Variants in EXOSC5 observed in about 807,000 individuals in gnomAD.
EXOSC5 encodes the protein exosome component 5, also known as exosome complex component RRP46.
Under a neutral mutation model 23.7 loss-of-function variants are expected in EXOSC5, and 15 were observed. The ratio of observed to expected loss-of-function variants is 0.63; its 90% CI spans 0.42 to 0.97. The LOEUF (loss-of-function observed/expected upper bound fraction) is 0.97. Among genes scored for constraint, EXOSC5 ranks in the 50% least tolerant of loss-of-function variants. EXOSC5 has a pLI of 0.00. For missense variants in EXOSC5, 305 were observed against 316.3 expected (o/e 0.96, Z 0.27); for synonymous variants, 143 against 140.9 (o/e 1.02, Z -0.11).
At chr19:41,391,665 A>G (rs1238719498) in intron 3 of EXOSC5, 176 bp downstream of exon 3, 26 of 764,114 alleles carry the variant, frequency 3.4e-5, no homozygotes, top group Non-Finnish European at 4.3e-5. Flanking sequence ...CATAAGGCAC[A>G]CAGAACAGTG....
Position 41,389,772 on chromosome 19 carries a change from T to G in EXOSC5, c.518A>C (p.Gln173Pro), listed in dbSNP as rs1295719950. The G allele has an allele frequency of 6.2e-7, 1 of 1,613,078 alleles. No homozygotes were observed. Among genetic ancestry groups the G allele is most frequent in the South Asian group, 1.1e-5 (1 of 90,940 alleles). The change falls in exon 4 of 6, where the codon CAA (glutamine) becomes CCA (proline). Residue 173 changes from glutamine to proline, a missense_variant. Gln to Pro is a moderately conservative substitution (Grantham distance 76). Coordinates refer to ENST00000221233, the MANE Select transcript of EXOSC5 (RefSeq NM_020158.4). ...GTLVLDPTSK[Q>P]EKEARAVLTF... ...CCTGGTCTTCACACCTACCTTTTCT[T>G]GCTTGGATGTAGGATCCAGCACGAG...
rs780183565 is a variant in EXOSC5, at chr19:41,389,799, G to A, written c.491C>T (p.Thr164Ile). ...GVACALDSDG[T>I]LVLDPTSKQE... ...CTTGGATGTAGGATCCAGCACGAGG[G>A]TCCCATCAGAGTCCAGGGCGCAGGC... The change falls in exon 4 of 6, where the codon ACC becomes ATC. Residue 164 changes from threonine to isoleucine, a missense_variant. Transcript: ENST00000221233. The A allele has an allele frequency of 1.2e-6, 2 of 1,614,122 alleles. No individual in the cohort carries two copies. Among genetic ancestry groups the A allele is most frequent in the Non-Finnish European group, 1.7e-6 (2 of 1,180,002 alleles).
chr19:41,392,863 T>C lies in EXOSC5; in HGVS notation c.262+4A>G, dbSNP rs770043694. 32 of 1,613,350 alleles carry C rather than the reference T, an allele frequency of 2.0e-5. No individual in the cohort carries two copies. The Admixed American group carries it at 5.3e-4, about 27-fold the overall frequency. On this transcript the variant is annotated splice_donor_region_variant and intron_variant, in intron 2 of 5. Transcript: ENST00000221233. ...CACTCAGAGGTTCAGCAGGGCCCAATTACCAGGCAGCCCAATCTTCGGCCT... is the reference window on the plus strand; with the variant it reads ...CACTCAGAGGTTCAGCAGGGCCCAACTACCAGGCAGCCCAATCTTCGGCCT...
rs1021670063 is a variant in EXOSC5 at position 41,387,774 on chromosome 19, G to C, written c.526-171C>G. On this transcript the variant is annotated intron_variant, in intron 4 of 5. Coordinates refer to ENST00000221233, the MANE Select transcript of EXOSC5 (RefSeq NM_020158.4). ...AAACTCAAGACCAATCTGGGCAACAGAGGGAGACCCCATCTCAGAAAAAAA... is the reference window on the plus strand; with the variant it reads ...AAACTCAAGACCAATCTGGGCAACACAGGGAGACCCCATCTCAGAAAAAAA... 8.3e-5 allele frequency among the ~76,000 whole-genome samples: 12 copies of C among 143,996 alleles called. No individual in the cohort carries two copies. The East Asian group carries it at 2.4e-3, about 29-fold the overall frequency. 94.5% of individuals were successfully genotyped at this position (143,996 alleles called of 152,430 possible). A position where few individuals can be genotyped will look rare whatever the true frequency, so the allele number is the denominator to read the frequency against.
chr19:41,389,899 C>A lies in EXOSC5; in HGVS notation c.391G>T (p.Ala131Ser), dbSNP rs1328250566. The A allele has an allele frequency of 6.3e-7, 1 of 1,599,834 alleles. No individual in the cohort carries two copies. Among genetic ancestry groups the A allele is most frequent in the East Asian group, 2.2e-5 (1 of 44,708 alleles). Residue 131 changes from alanine to serine, a missense_variant, in exon 4 of 6, where the codon GCC becomes TCC. Transcript: ENST00000221233. ...QVVSDAGSLL[A>S]CCLNAACMAL... ...ATGCAGGCGGCATTCAGACAACAGG[C>A]CAGGAGCTGAGCACCACAGGAAATG...
intron 1 of EXOSC5, among the ~76,000 whole-genome samples, chr19:41,393,258 G>A (rs553055964): frequency 1.7e-4 from 26 of 152,308 alleles, no homozygotes; most frequent in African/African-American, 6.3e-4. Flanking sequence ...AGCTGTATTA[G>A]TAACATTCGT....
chr19:41,386,924 GAGA>G (rs1412304674), intron 5 of EXOSC5, among the ~76,000 whole-genome samples, 199 bp from the exon 6 acceptor site: 3 of 152,164 alleles, frequency 2.0e-5, no homozygotes, highest in Admixed American at 6.5e-5. Context: ...TAAAAAGAGG[GAGA>G]AGGACTTCAG....
intron 3 of EXOSC5, among the ~76,000 whole-genome samples, chr19:41,390,541 GA>G (rs2039016366): frequency 6.6e-6 from 1 of 152,214 alleles, no homozygotes; most frequent in Non-Finnish European, 1.5e-5. Flanking sequence ...TCAGAGAGGG[GA>G]AGAAACCTTC....
At chr19:41,386,875 T>C in intron 5 of EXOSC5, 150 bp from the exon 6 acceptor site, 2 of 624,178 alleles carry the variant, frequency 3.2e-6, no homozygotes, top group Non-Finnish European at 5.6e-6. Context: ...AAGGGATTAT[T>C]TCCCATTTCA....
intron 1 of EXOSC5, among the ~76,000 whole-genome samples, chr19:41,395,921 T>G (rs948663138): frequency 2.0e-5 from 3 of 152,170 alleles, no homozygotes; most frequent in Non-Finnish European, 2.9e-5. Context: ...ACCTTAGTTA[T>G]GCCTGAATCT....
intron 2 of EXOSC5, 92 bp downstream of exon 2, chr19:41,392,775 G>A (rs1599941398): frequency 9.5e-7 from 1 of 1,049,852 alleles, no homozygotes; most frequent in Admixed American, 1.9e-5. Flanking sequence ...CCCAAGCGGG[G>A]AGTGGAGACT....
intron 3 of EXOSC5, among the ~76,000 whole-genome samples, chr19:41,390,869 C>G (rs1459790601): frequency 6.6e-6 from 1 of 152,228 alleles, no homozygotes; most frequent in Non-Finnish European, 1.5e-5. Context: ...AATACCTTCT[C>G]TCTCTGCCCA....
intron 1 of EXOSC5, among the ~76,000 whole-genome samples, chr19:41,395,648 C>G (rs1366225403): frequency 6.6e-6 from 1 of 152,170 alleles, no homozygotes; most frequent in Non-Finnish European, 1.5e-5. Flanking sequence ...TTTCTTGGCC[C>G]CAGGTCACCA....
In EXOSC5 at chr19:41,386,401, C is replaced by T; in HGVS notation, c.*232G>A. 2 of 497,144 alleles carry T rather than the reference C, an allele frequency of 4.0e-6. No homozygotes were observed. The highest frequency in any genetic ancestry group is 6.3e-5 in the South Asian group (2 of 31,760). 30.8% of individuals were successfully genotyped at this position (497,144 alleles called of 1,614,324 possible). On this transcript the variant is annotated 3_prime_UTR_variant, in exon 6 of 6. Coordinates refer to ENST00000221233, the MANE Select transcript of EXOSC5 (RefSeq NM_020158.4). The stretch of plus-strand genomic sequence containing the variant: ...AAAGTGAATTAATTTATTGATTCAT[C>T]CATTCCATAAATGTGAGCTCCTTTG...
intron 1 of EXOSC5, among the ~76,000 whole-genome samples, chr19:41,395,478 C>T (rs1599942952): frequency 1.3e-5 from 2 of 152,208 alleles, no homozygotes; most frequent in East Asian, 3.9e-4. Flanking sequence ...TACAGCAGAA[C>T]TCCTGAACAG....
chr19:41,395,121 C>T (rs765712480), intron 1 of EXOSC5, among the ~76,000 whole-genome samples: 18 of 152,024 alleles, frequency 1.2e-4, no homozygotes, highest in African/African-American at 2.7e-4. Context: ...CAACTGCACC[C>T]GGCCTCTTCT....
At chr19:41,396,984 T>C (rs1568498830) in intron 1 of EXOSC5, among the ~76,000 whole-genome samples, 197 bp downstream of exon 1, 1 of 152,136 alleles carries the variant, frequency 6.6e-6, no homozygotes, top group Non-Finnish European at 1.5e-5. Flanking sequence ...GTTACAAAGA[T>C]GGAACTATCT....
chr19:41,390,460 A>T (rs548342482), intron 3 of EXOSC5, among the ~76,000 whole-genome samples: 1 of 152,352 alleles, frequency 6.6e-6, no homozygotes, highest in Non-Finnish European at 1.5e-5. Context: ...CTCATCTGTT[A>T]GATGGGGAAT....
intron 1 of EXOSC5, among the ~76,000 whole-genome samples, chr19:41,393,531 G>A (rs2039039928): frequency 6.6e-6 from 1 of 150,662 alleles, no homozygotes; most frequent in Non-Finnish European, 1.5e-5. Flanking sequence ...TTACAGGCGT[G>A]AGCTACCACG....
Sources: allele counts gnomAD v4.1 joint callset (sites outside exome capture counted in the v4.1 genomes callset), GRCh38; gene constraint gnomAD v4.1.1; transcripts MANE v1.5; gene names NCBI Gene and HGNC (gene_info 2026-07-23, HGNC 2026-07-21).